Variants in KLRG1 observed in about 807,000 individuals in gnomAD.
The protein encoded by KLRG1 is killer cell lectin-like receptor subfamily G member 1.
In KLRG1, 16 loss-of-function variants were observed where a neutral mutation model predicts 21.8. The observed-to-expected ratio is 0.73, with a 90% CI of 0.50 to 1.11. The LOEUF is 1.11. Ranked by LOEUF, KLRG1 falls within the 50% of genes most tolerant of loss-of-function variation. The probability of loss-of-function intolerance (pLI) is 0.00; values close to 1 mark genes in which losing one functional copy is unlikely to be tolerated. For synonymous variants in KLRG1, 69 were observed against 75.9 expected (o/e 0.91, Z 0.47); for missense variants, 173 against 218.3 (o/e 0.79, Z 1.31).
chr12:9,076,871 G>T, the KLRG1 span: 16 of 1,613,238 alleles, frequency 9.9e-6, no homozygotes, highest in Admixed American at 1.5e-4. Context: ...GGCTGCCATG[G>T]TCCCCTTCTT....
the KLRG1 span, chr12:9,112,425 G>A: frequency 6.2e-7 from 1 of 1,613,950 alleles, no homozygotes; most frequent in Non-Finnish European, 8.5e-7. Flanking sequence ...ACAAAGACCA[G>A]ACTGTCCTCG....
chr12:9,018,403 G>A, the KLRG1 span, among the ~76,000 whole-genome samples: 1 of 152,132 alleles, frequency 6.6e-6, no homozygotes, highest in South Asian at 2.1e-4. Context: ...AACTAGAACA[G>A]CATGGCACTG....
chr12:9,174,737 A>C, the KLRG1 span, among the ~76,000 whole-genome samples: 2 of 152,214 alleles, frequency 1.3e-5, no homozygotes, highest in African/African-American at 4.8e-5. Flanking sequence ...TAAAATACCT[A>C]GGAATACAGC....
At chr12:9,017,583 G>A in the KLRG1 span, among the ~76,000 whole-genome samples, 2 of 152,020 alleles carry the variant, frequency 1.3e-5, no homozygotes, top group Non-Finnish European at 2.9e-5. Context: ...GATAAAAACA[G>A]TAAAAAATTG....
At chr12:8,970,218 T>C (rs931605354) in intron 1 of KLRG1, among the ~76,000 whole-genome samples, 3 of 152,200 alleles carry the variant, frequency 2.0e-5, no homozygotes, top group African/African-American at 7.2e-5. Flanking sequence ...GTGAGTAAAG[T>C]TTTATTGGAA....
downstream of KLRG1, among the ~76,000 whole-genome samples, chr12:9,011,431 G>A (rs1324165933): frequency 2.0e-5 from 3 of 152,024 alleles, no homozygotes; most frequent in South Asian, 4.1e-4. Context: ...ATTGCACAGT[G>A]GACTTCTTTG....
chr12:9,204,592 A>G, the KLRG1 span, among the ~76,000 whole-genome samples: 5 of 152,174 alleles, frequency 3.3e-5, no homozygotes, highest in African/African-American at 9.7e-5. Flanking sequence ...TTTATCAACG[A>G]GTTTGAAAAT....
At chr12:9,101,438 C>T in the KLRG1 span, 1 of 1,608,358 alleles carries the variant, frequency 6.2e-7, no homozygotes, top group Non-Finnish European at 8.5e-7. Flanking sequence ...CAGTAACCTC[C>T]CTTCTCACCA....
the KLRG1 span, chr12:9,079,380 G>A: frequency 5.9e-6 from 9 of 1,534,346 alleles, 1 homozygote; most frequent in South Asian, 6.8e-5. Context: ...TGTGCATGCT[G>A]AGGGTGGAGA....
At chr12:9,093,639 T>C in the KLRG1 span, 53 of 614,802 alleles carry the variant, frequency 8.6e-5, no homozygotes, top group Middle Eastern at 2.9e-4. Context: ...TATGAGAGAA[T>C]GTAATAGTTG....
the KLRG1 span, among the ~76,000 whole-genome samples, chr12:9,074,118 G>A: frequency 6.6e-6 from 1 of 151,680 alleles, no homozygotes; most frequent in Admixed American, 6.6e-5. Flanking sequence ...GGTGAATAGG[G>A]GAAGCACAAA....
At chr12:9,004,335 T>C (rs1270311388) in intron 3 of KLRG1, among the ~76,000 whole-genome samples, 1 of 152,210 alleles carries the variant, frequency 6.6e-6, no homozygotes, top group African/African-American at 2.4e-5. Context: ...GTAAAAGTGT[T>C]CCTATTTCTC....
chr12:9,047,848 A>C, the KLRG1 span, among the ~76,000 whole-genome samples: 5 of 152,220 alleles, frequency 3.3e-5, no homozygotes, highest in Non-Finnish European at 7.3e-5. Context: ...TATACTTAAC[A>C]ACAGCGGTCA....
At chr12:9,192,196 C>G in the KLRG1 span, 1 of 1,612,596 alleles carries the variant, frequency 6.2e-7, no homozygotes, top group Non-Finnish European at 8.5e-7. Context: ...TACTCACTGT[C>G]TCCTGACTCC....
chr12:9,109,966 A>G, the KLRG1 span: 19 of 1,613,838 alleles, frequency 1.2e-5, no homozygotes, highest in Middle Eastern at 1.6e-4. Flanking sequence ...GAGAGGGGAA[A>G]AGAAAATTGC....
the KLRG1 span, chr12:9,158,412 C>T: frequency 6.2e-7 from 1 of 1,613,948 alleles, no homozygotes. Context: ...GTTTGTGGAA[C>T]AGTTCACCTT....
the KLRG1 span, chr12:9,068,365 C>T: frequency 1.2e-6 from 1 of 842,666 alleles, no homozygotes; most frequent in Non-Finnish European, 1.8e-6. Context: ...CATCATTCAT[C>T]TGATGTGTTG....
At chr12:9,007,697 A>C (rs921392336) in intron 3 of KLRG1, among the ~76,000 whole-genome samples, 2 of 152,222 alleles carry the variant, frequency 1.3e-5, no homozygotes, top group Non-Finnish European at 2.9e-5. Context: ...GAGTGGAATA[A>C]AAACAACATC....
chr12:9,090,577 A>G, the KLRG1 span: 3 of 1,345,584 alleles, frequency 2.2e-6, no homozygotes, highest in African/African-American at 2.9e-5. Context: ...GTTAGATTTC[A>G]GGTTGCCTCA....
Sources: allele counts gnomAD v4.1 joint callset (sites outside exome capture counted in the v4.1 genomes callset), GRCh38; gene constraint gnomAD v4.1.1; transcripts MANE v1.5; gene names NCBI Gene and HGNC (gene_info 2026-07-23, HGNC 2026-07-21).